The following NRXN1 variants were observed in gnomAD, a reference collection of about 807,000 sequenced individuals.
NRXN1 encodes neurexin 1.
NRXN1 carries 39 observed loss-of-function variants against 150.9 expected under a neutral mutation model. The observed-to-expected ratio is 0.26, with a 90% CI of 0.20 to 0.34. NRXN1 has a LOEUF of 0.34. Ranked by LOEUF, NRXN1 falls within the 10% of genes least tolerant of loss-of-function variation. NRXN1 has a pLI of 1.00. For synonymous variants in NRXN1, 924 were observed against 757.0 expected, an observed-to-expected ratio of 1.22 and a Z score of -3.62; for missense variants, 1,815 against 1,949.9, an observed-to-expected ratio of 0.93 and a Z score of 1.30.
At chr2:50,219,959 T>TA (rs2063720791) in intron 18 of NRXN1, among the ~76,000 whole-genome samples, 1 of 72,546 alleles carries the variant, frequency 1.4e-5, no homozygotes, top group Non-Finnish European at 2.4e-5. Context: ...ATATAATATA[T>TA]ATATTATATA....
intron 8 of NRXN1, among the ~76,000 whole-genome samples, chr2:50,610,744 G>C (rs1677960072): frequency 8.0e-6 from 1 of 124,432 alleles, no homozygotes. Context: ...AACATAGCTT[G>C]TAATTATATT....
At chr2:50,250,070 A>T (rs1214019157) in intron 17 of NRXN1, among the ~76,000 whole-genome samples, 2 of 152,098 alleles carry the variant, frequency 1.3e-5, no homozygotes, top group Non-Finnish European at 2.9e-5. Context: ...CTACCTTCTT[A>T]CCTCTTAATT....
chr2:50,895,410 G>A (rs1002992062), intron 5 of NRXN1, among the ~76,000 whole-genome samples: 3 of 152,082 alleles, frequency 2.0e-5, no homozygotes, highest in Admixed American at 2.0e-4. Context: ...TTATAGATAA[G>A]TTGCTTTACC....
intron 17 of NRXN1, among the ~76,000 whole-genome samples, chr2:50,368,948 T>A (rs1333659781): frequency 6.6e-6 from 1 of 151,910 alleles, no homozygotes. Flanking sequence ...GCATTTGTAA[T>A]AAATAACAAG....
At chr2:50,104,904 A>G (rs968425753) in intron 18 of NRXN1, among the ~76,000 whole-genome samples, 10 of 152,050 alleles carry the variant, frequency 6.6e-5, no homozygotes, top group African/African-American at 2.4e-4. Context: ...TAAAACATCA[A>G]GTACTTTTCA....
In NRXN1 at chr2:51,028,367, A is replaced by G. The variant is rs909831820; in HGVS notation, c.-94T>C. On this transcript the variant is annotated 5_prime_UTR_variant, in exon 2 of 23. Coordinates refer to ENST00000401669, the MANE Select transcript of NRXN1 (RefSeq NM_001330078.2). ...CGAAGAAATAAGGGTCCCGAGAGAC[A>G]GAAAGGTAAGGGGAAAGGCGGGAGT... is the stretch of plus-strand genomic sequence containing the variant. 1.2e-6 allele frequency: 1 copy of G among 825,628 alleles called. No individual in the cohort carries two copies. The highest frequency in any genetic ancestry group is 1.7e-6 in the Non-Finnish European group (1 of 571,582). The allele number at this position is 825,628 out of a possible 1,614,324, so 51.1% of individuals were successfully genotyped here. A position where few individuals can be genotyped will look rare whatever the true frequency, so the allele number is the denominator to read the frequency against.
intron 18 of NRXN1, among the ~76,000 whole-genome samples, chr2:50,223,399 A>C (rs1215945991): frequency 1.3e-5 from 2 of 151,946 alleles, no homozygotes; most frequent in Non-Finnish European, 2.9e-5. Context: ...ATAATCAAAT[A>C]ACCATCGGTC....
chr2:50,855,813 A>G (rs1675196743), intron 5 of NRXN1, among the ~76,000 whole-genome samples: 1 of 152,072 alleles, frequency 6.6e-6, no homozygotes, highest in Non-Finnish European at 1.5e-5. Flanking sequence ...CTTAAAGTGT[A>G]TTATTTGATT....
In NRXN1 at chr2:50,606,678, G is replaced by A. The variant is rs1227892649; in HGVS notation, c.1320+13344C>T. On this transcript the variant is annotated intron_variant, in intron 8 of 22. Transcript: ENST00000401669. ...TTAGAATATATTCATTTGGCTAGAT[G>A]ACATAGTTATCTTTTCCCAAGCCAC... 7.9e-5 allele frequency among the ~76,000 whole-genome samples: 12 copies of A among 151,662 alleles called. No homozygotes were observed. The East Asian group carries it at 2.3e-3, about 29-fold the overall frequency.
chr2:50,982,417 G>A (rs989298378), intron 2 of NRXN1, among the ~76,000 whole-genome samples: 1 of 152,070 alleles, frequency 6.6e-6, no homozygotes, highest in Non-Finnish European at 1.5e-5. Flanking sequence ...GGACTTCACA[G>A]CAGAATGTAC....
Position 50,321,073 on chromosome 2 carries a change from C to T in NRXN1, c.3365-84103G>A, listed in dbSNP as rs573713393. Among the ~76,000 whole-genome samples the T allele has an allele frequency of 2.3e-3, 351 of 152,186 alleles. 1 individual carries two copies. The highest frequency in any genetic ancestry group is 3.8e-3 in the Non-Finnish European group (257 of 68,024). On this transcript the variant is annotated intron_variant, in intron 17 of 22. Coordinates refer to ENST00000401669, the MANE Select transcript of NRXN1 (RefSeq NM_001330078.2). ...GAGGAAGCAAAGAGAAAATCATCACCGTCTACAGCCAAAGTCCCAAAGCCA... is the reference window on the plus strand; with the variant it reads ...GAGGAAGCAAAGAGAAAATCATCACTGTCTACAGCCAAAGTCCCAAAGCCA...
At chr2:50,231,424 C>T (rs747674233) in intron 18 of NRXN1, among the ~76,000 whole-genome samples, 3 of 151,994 alleles carry the variant, frequency 2.0e-5, no homozygotes, top group Non-Finnish European at 4.4e-5. Flanking sequence ...TATTTTGGGA[C>T]ATGTAATATT....
intron 17 of NRXN1, among the ~76,000 whole-genome samples, chr2:50,436,814 G>T (rs2085486790): frequency 6.6e-6 from 1 of 152,082 alleles, no homozygotes; most frequent in Admixed American, 6.5e-5. Flanking sequence ...AATTAATTTT[G>T]CTGAGGGAGT....
intron 5 of NRXN1, among the ~76,000 whole-genome samples, chr2:50,822,688 CT>C (rs1336726068): frequency 6.6e-6 from 1 of 152,098 alleles, no homozygotes; most frequent in Non-Finnish European, 1.5e-5. Context: ...AATTAGCAAC[CT>C]TGCTAATGTA....
chr2:50,711,265 A>G (rs1695100748), intron 5 of NRXN1, among the ~76,000 whole-genome samples: 1 of 150,588 alleles, frequency 6.6e-6, no homozygotes, highest in Admixed American at 6.7e-5. Flanking sequence ...GGTCTGAAAC[A>G]GCCCTCAGGA....
At chr2:50,515,424 C>T (rs1172950671) in intron 12 of NRXN1, among the ~76,000 whole-genome samples, 16 of 152,088 alleles carry the variant, frequency 1.1e-4, no homozygotes, top group African/African-American at 3.6e-4. Context: ...AAATCACTCC[C>T]GTCTGTGGTA....
At chr2:50,867,579 CT>C (rs1677125842) in intron 5 of NRXN1, among the ~76,000 whole-genome samples, 1 of 150,622 alleles carries the variant, frequency 6.6e-6, no homozygotes. Flanking sequence ...TTTTTTTTTC[CT>C]GCTCCATTGG....
At chr2:49,943,407 T>C (rs1672349107) in intron 22 of NRXN1, among the ~76,000 whole-genome samples, 1 of 152,192 alleles carries the variant, frequency 6.6e-6, no homozygotes, top group African/African-American at 2.4e-5. Flanking sequence ...GAAAGCTCAT[T>C]ATATTGTTAC....
chr2:50,546,960 A>G (rs2093507421), intron 9 of NRXN1, among the ~76,000 whole-genome samples: 1 of 152,234 alleles, frequency 6.6e-6, no homozygotes, highest in Admixed American at 6.5e-5. Context: ...TGGTTGCTCA[A>G]GTAGAAATGT....
Sources: allele counts gnomAD v4.1 joint callset (sites outside exome capture counted in the v4.1 genomes callset), GRCh38; gene constraint gnomAD v4.1.1; transcripts MANE v1.5; gene names NCBI Gene and HGNC (gene_info 2026-07-23, HGNC 2026-07-21).